TBL1X: variants seen among roughly 807,000 people sequenced by gnomAD.
TBL1X encodes the protein F-box-like/WD repeat-containing protein TBL1X.
TBL1X carries 10 observed loss-of-function variants against 50.7 expected under a neutral mutation model. That is an observed-to-expected ratio of 0.20 (90% confidence interval 0.12 to 0.33). The LOEUF is 0.33. Among genes scored for constraint, TBL1X ranks in the 10% least tolerant of loss-of-function variants. The pLI is 1.00. For missense variants in TBL1X, 340 were observed against 504.4 expected, an observed-to-expected ratio of 0.67 and a Z score of 3.12; for synonymous variants, 190 against 214.7, an observed-to-expected ratio of 0.88 and a Z score of 1.01.
intron 2 of TBL1X, chrX:9,531,149 A>G (rs1449150835): frequency 3.6e-5 from 4 of 110,805 alleles, no homozygotes. Context: ...GGAGATGGGT[A>G]TGCTTAGTGC....
intron 2 of TBL1X, among the ~76,000 whole-genome samples, chrX:9,553,112 C>T (rs1333937839): frequency 9.0e-6 from 1 of 111,164 alleles, no homozygotes; most frequent in African/African-American, 3.3e-5. Flanking sequence ...CACTGCACTC[C>T]AGCCTGGGCA....
At chrX:9,631,170 A>G (rs182603680) in intron 2 of TBL1X, among the ~76,000 whole-genome samples, 4 of 111,229 alleles carry the variant, frequency 3.6e-5, no homozygotes, top group East Asian at 5.7e-4. Flanking sequence ...TCAGGGGTAC[A>G]TGTGCAGGTT....
intron 5 of TBL1X, among the ~76,000 whole-genome samples, chrX:9,666,792 T>G (rs1165943223): frequency 8.9e-6 from 1 of 111,934 alleles, no homozygotes; most frequent in African/African-American, 3.3e-5. Context: ...TTAAAATTGC[T>G]TACCTATCAG....
Position 9,498,853 on chromosome X carries a change from G to T in TBL1X, c.-200-2927G>T, listed in dbSNP as rs1294527116. On this transcript the variant is annotated intron_variant, in intron 1 of 17. Transcript: ENST00000645353. ...CACAGTGCTGAGATCTGAGCCCAAGGCAGTTGGGACATTAATGATGAGACA... is the reference window on the plus strand; with the variant it reads ...CACAGTGCTGAGATCTGAGCCCAAGTCAGTTGGGACATTAATGATGAGACA... 1.8e-5 allele frequency among the ~76,000 whole-genome samples: 2 copies of T among 112,329 alleles called. 1 individual carries two copies. Among genetic ancestry groups the T allele is most frequent in the African/African-American group, 6.5e-5 (2 of 30,947 alleles).
Position 9,486,135 on chromosome X carries a change from C to T in TBL1X, c.-200-15645C>T, listed in dbSNP as rs752730128. Among the ~76,000 whole-genome samples the T allele has an allele frequency of 1.7e-4, 19 of 111,077 alleles. No homozygotes were observed. The East Asian group carries it at 5.1e-3, about 30-fold the overall frequency. ...AAGTCTGATAAGAAACAGTTACAAT[C>T]TATTTTCTCTGAAGCCTGCTACCTG... On this transcript the variant is annotated intron_variant, in intron 1 of 17. Coordinates refer to ENST00000645353, the MANE Select transcript of TBL1X (RefSeq NM_005647.4).
intron 2 of TBL1X, among the ~76,000 whole-genome samples, chrX:9,556,438 G>C (rs1367760806): frequency 9.3e-6 from 1 of 107,947 alleles, no homozygotes; most frequent in Non-Finnish European, 1.9e-5. Flanking sequence ...TGCAAGAATT[G>C]CTTCAGCTCA....
intron 2 of TBL1X, among the ~76,000 whole-genome samples, chrX:9,568,620 T>A (rs1601763686): frequency 9.4e-6 from 1 of 106,225 alleles, no homozygotes; most frequent in East Asian, 3.0e-4. Flanking sequence ...GTGTGTGGTG[T>A]GCTGTATGTC....
chrX:9,518,857 G>C (rs1355777159), intron 2 of TBL1X, among the ~76,000 whole-genome samples: 1 of 110,588 alleles, frequency 9.0e-6, no homozygotes, highest in Non-Finnish European at 1.9e-5. Flanking sequence ...AGCCACACAG[G>C]CAGACTGTCC....
At chrX:9,618,888 G>A (rs955992270) in intron 2 of TBL1X, among the ~76,000 whole-genome samples, 2 of 111,564 alleles carry the variant, frequency 1.8e-5, no homozygotes, top group Non-Finnish European at 3.8e-5. Flanking sequence ...ATATTGAGAC[G>A]CTGGTTGTAG....
At chrX:9,704,750 GGCGTGATGGCAT>G (rs1313401130) in intron 12 of TBL1X, among the ~76,000 whole-genome samples, 15 of 110,928 alleles carry the variant, frequency 1.4e-4, no homozygotes, top group Non-Finnish European at 2.1e-4. Context: ...AAATTAGCTA[GGCGTGATGGCAT>G]GCGCTATTCA....
At position 9,465,162 on chromosome X, in the gene TBL1X, C is replaced by T. The variant is rs1022827285; in HGVS notation, c.-486C>T. 9 of 111,545 alleles carry T rather than the reference C, an allele frequency of 8.1e-5. No individual in the cohort carries two copies. In the East Asian group the frequency reaches 1.7e-3, roughly 21 times the overall value. The allele number at this position is 111,545 out of a possible 1,213,427, so 9.2% of individuals were successfully genotyped here. On this transcript the variant is annotated 5_prime_UTR_variant, in exon 1 of 18. Transcript: ENST00000645353. Reference sequence around the variant, plus strand: ...CGCCGCCGCCGCGCCCGCCTCAGCGCCCCCACTCCGCGCTTGGGAGCGAGG... The same window carrying T: ...CGCCGCCGCCGCGCCCGCCTCAGCGTCCCCACTCCGCGCTTGGGAGCGAGG...
chrX:9,467,342 C>T (rs1446260294), intron 1 of TBL1X, among the ~76,000 whole-genome samples: 1 of 112,040 alleles, frequency 8.9e-6, no homozygotes, highest in Admixed American at 9.4e-5. Flanking sequence ...CGGCCCCCTC[C>T]CAGTTTTCTG....
chrX:9,488,473 C>G (rs2081924945), intron 1 of TBL1X, among the ~76,000 whole-genome samples: 1 of 111,940 alleles, frequency 8.9e-6, no homozygotes, highest in African/African-American at 3.2e-5. Context: ...GAGACCATAG[C>G]TGGGAAAGGC....
intron 7 of TBL1X, 44 bp downstream of exon 7, chrX:9,688,319 C>T (rs750716587): frequency 1.9e-6 from 2 of 1,062,347 alleles, no homozygotes; most frequent in South Asian, 2.4e-5. Flanking sequence ...TCTCTGGGTT[C>T]ATTGTTTTCT....
intron 2 of TBL1X, among the ~76,000 whole-genome samples, chrX:9,567,161 T>C (rs1187304843): frequency 9.0e-6 from 1 of 111,456 alleles, no homozygotes; most frequent in Non-Finnish European, 1.9e-5. Flanking sequence ...CGTGTACCCT[T>C]AGTAAGCTTA....
intron 14 of TBL1X, 54 bp from the exon 15 acceptor site, chrX:9,709,579 G>A (rs2083232020): frequency 5.0e-6 from 6 of 1,194,565 alleles, no homozygotes; most frequent in Non-Finnish European, 6.8e-6. Flanking sequence ...ATTCCACATC[G>A]TTCCCGGATG....
intron 2 of TBL1X, among the ~76,000 whole-genome samples, chrX:9,524,219 TG>T (rs1285842121): frequency 8.9e-6 from 1 of 111,773 alleles, no homozygotes; most frequent in Non-Finnish European, 1.9e-5. Flanking sequence ...CCACCCACCT[TG>T]GCCTCCCGAA....
At chrX:9,685,646 T>TA (rs1312410506) in intron 6 of TBL1X, among the ~76,000 whole-genome samples, 3 of 110,997 alleles carry the variant, frequency 2.7e-5, no homozygotes, top group African/African-American at 9.8e-5. Context: ...CACAGCATGT[T>TA]ACACTGCTTT....
intron 2 of TBL1X, among the ~76,000 whole-genome samples, chrX:9,616,109 G>C (rs2082638204): frequency 8.9e-6 from 1 of 111,809 alleles, no homozygotes; most frequent in East Asian, 2.8e-4. Context: ...CCAACAATGA[G>C]AACATATTAA....
Sources: gnomAD v4.1 joint callset for allele counts (sites outside exome capture counted in the v4.1 genomes callset) on GRCh38, gnomAD v4.1.1 for gene constraint, MANE v1.5 for transcripts, NCBI Gene and HGNC (gene_info 2026-07-23, HGNC 2026-07-21) for gene names.